The following TNKS variants were observed in gnomAD, a reference collection of about 807,000 sequenced individuals.
TNKS encodes tankyrase.
In TNKS, 72 loss-of-function variants were observed where a neutral mutation model predicts 135.8. The observed-to-expected ratio is 0.53, with a 90% CI of 0.44 to 0.64. The LOEUF is 0.64. TNKS is among the 30% of genes least tolerant of loss of function. The pLI is 0.00. For missense variants in TNKS, 1,769 were observed against 1,674.0 expected (o/e 1.06, Z -0.99); for synonymous variants, 849 against 649.3 (o/e 1.31, Z -4.68).
At chr8:9,594,420 T>C (rs1798697886) in intron 2 of TNKS, among the ~76,000 whole-genome samples, 1 of 152,238 alleles carries the variant, frequency 6.6e-6, no homozygotes, top group Admixed American at 6.5e-5. Context: ...TCAGTTGCAC[T>C]AGCCGTGTTT....
Position 9,556,016 on chromosome 8 carries a change from C to T in TNKS, c.77C>T (p.Ala26Val), listed in dbSNP as rs1207712386. Residue 26 changes from alanine to valine, a missense_variant, in exon 1 of 27, where the codon GCG (alanine) becomes GTG (valine). Physicochemically the swap from Ala to Val is moderately conservative, Grantham distance 64. Coordinates refer to ENST00000310430, the MANE Select transcript of TNKS (RefSeq NM_003747.3). ...QQLQPAPGASAPPPPPPPPLS... is the reference protein window; with the variant it reads ...QQLQPAPGASVPPPPPPPPLS... ...CTCCAGCCCGCCCCAGGGGCTTCAGCGCCGCCGCCGCCACCTCCTCCCCCA... is the reference window on the plus strand; with the variant it reads ...CTCCAGCCCGCCCCAGGGGCTTCAGTGCCGCCGCCGCCACCTCCTCCCCCA... 6.2e-7 allele frequency: 1 copy of T among 1,612,192 alleles called. No individual in the cohort carries two copies. The highest frequency in any genetic ancestry group is 8.5e-7 in the Non-Finnish European group (1 of 1,179,670).
At chr8:9,754,049 A>C (rs962770307) in intron 20 of TNKS, among the ~76,000 whole-genome samples, 13 of 151,984 alleles carry the variant, frequency 8.6e-5, no homozygotes, top group Non-Finnish European at 1.3e-4. Flanking sequence ...TGTCCTCTCT[A>C]TCTCTTCTAA....
At chr8:9,650,663 G>A (rs1801114614) in intron 3 of TNKS, among the ~76,000 whole-genome samples, 1 of 151,422 alleles carries the variant, frequency 6.6e-6, no homozygotes, top group Non-Finnish European at 1.5e-5. Context: ...GATGGGGTTG[G>A]TTTTTTTTCT....
intron 3 of TNKS, among the ~76,000 whole-genome samples, chr8:9,672,758 T>G: frequency 6.8e-6 from 1 of 146,354 alleles, no homozygotes; most frequent in Non-Finnish European, 1.5e-5. Context: ...AGCCCCTAGC[T>G]GCCATTAACA....
chr8:9,670,722 T>C (rs1802235815), intron 3 of TNKS: 1 of 152,190 alleles, frequency 6.6e-6, no homozygotes, highest in South Asian at 2.1e-4. Context: ...CCTCTTGCTT[T>C]TTAGAAAGCT....
intron 16 of TNKS, 143 bp downstream of exon 16, chr8:9,735,227 A>C (rs1007911383): frequency 1.9e-4 from 202 of 1,083,530 alleles, no homozygotes; most frequent in Admixed American, 1.0e-3. Context: ...ATAATTTCTT[A>C]TTGTGAAGTC....
chr8:9,680,700 G>C, intron 4 of TNKS, 25 bp from the exon 5 acceptor site: 4 of 1,525,178 alleles, frequency 2.6e-6, no homozygotes, highest in Non-Finnish European at 2.7e-6. Flanking sequence ...AATTTTAGAG[G>C]AATTGACTTA....
At chr8:9,558,497 A>G (rs944290472) in intron 1 of TNKS, 1 of 152,188 alleles carries the variant, frequency 6.6e-6, no homozygotes, top group African/African-American at 2.4e-5. Context: ...CTATTTTAAC[A>G]AATTGCGTCA....
chr8:9,602,844 C>T lies in TNKS; in HGVS notation c.899-12738C>T, dbSNP rs552488200. On this transcript the variant is annotated intron_variant, in intron 2 of 26. Coordinates refer to ENST00000310430, the MANE Select transcript of TNKS (RefSeq NM_003747.3). Reference sequence around the variant, plus strand: ...TCTAAAACAATAGTGAGATTTTTAACATTATTTCCAGCTAAATCTCTGCTA... The same window carrying T: ...TCTAAAACAATAGTGAGATTTTTAATATTATTTCCAGCTAAATCTCTGCTA... Among the ~76,000 whole-genome samples the T allele has an allele frequency of 7.2e-5, 11 of 152,228 alleles. No homozygotes were observed. In the East Asian group the frequency reaches 1.5e-3, roughly 21 times the overall value.
intron 5 of TNKS, among the ~76,000 whole-genome samples, chr8:9,682,736 C>T (rs1202481161): frequency 1.3e-5 from 2 of 151,958 alleles, no homozygotes; most frequent in East Asian, 1.9e-4. Context: ...AGAAAAACAT[C>T]TACCCTTTGC....
At chr8:9,710,245 G>C (rs1338658020) in intron 11 of TNKS, 25 bp downstream of exon 11, 1 of 1,610,694 alleles carries the variant, frequency 6.2e-7, no homozygotes, top group East Asian at 2.2e-5. Context: ...TGAGCAGAGT[G>C]CCAGACTCAG....
chr8:9,636,236 C>G (rs987003502), intron 3 of TNKS, among the ~76,000 whole-genome samples: 2 of 152,112 alleles, frequency 1.3e-5, no homozygotes, highest in African/African-American at 4.8e-5. Flanking sequence ...GCCCCTTGTA[C>G]TAATTTTGCA....
rs1554476739 is a variant in TNKS, at chr8:9,717,103, T to TATATATATATATATATATTTA, written c.1750-3271_1750-3270insATATATATATATATATATTTA. Among the ~76,000 whole-genome samples, 110 of 39,230 alleles carry TATATATATATATATATATTTA rather than the reference T, an allele frequency of 2.8e-3. 5 individuals carry two copies. Among genetic ancestry groups the TATATATATATATATATATTTA allele is most frequent in the South Asian group, 0.014 (17 of 1,186 alleles). 25.7% of individuals were successfully genotyped at this position (39,230 alleles called of 152,430 possible). A position where few individuals can be genotyped will look rare whatever the true frequency, so the allele number is the denominator to read the frequency against. On this transcript the variant is annotated intron_variant, in intron 11 of 26. Coordinates refer to ENST00000310430, the MANE Select transcript of TNKS (RefSeq NM_003747.3). ...TATATATATATATATATATATATAT[T>TATATATATATATATATATTTA]TTCAGGGAATTTGATTGTTTCTTTT...
chr8:9,765,940 T>C (rs1177533456), intron 24 of TNKS, 143 bp downstream of exon 24: 7 of 677,656 alleles, frequency 1.0e-5, no homozygotes, highest in Middle Eastern at 7.2e-4. Flanking sequence ...AATTACTTCT[T>C]GGTACCAGCT....
rs531387035 is a variant in TNKS at position 9,764,262 on chromosome 8, C to T, written c.3373-454C>T. Among the ~76,000 whole-genome samples the T allele has an allele frequency of 2.6e-5, 4 of 152,032 alleles. No individual in the cohort carries two copies. In the South Asian group the frequency reaches 8.3e-4, roughly 32 times the overall value. ...TACATTATAGTCAATGTCCCCTGGT[C>T]TGTGTAAATATACTTAGAGATCCCA... is the stretch of plus-strand genomic sequence containing the variant. On this transcript the variant is annotated intron_variant, in intron 22 of 26. Coordinates refer to ENST00000310430, the MANE Select transcript of TNKS (RefSeq NM_003747.3).
At chr8:9,689,496 A>T (rs909394736) in intron 5 of TNKS, among the ~76,000 whole-genome samples, 6 of 123,250 alleles carry the variant, frequency 4.9e-5, no homozygotes, top group Admixed American at 1.0e-4. Context: ...TTGATTTTAT[A>T]AAAAAAATGC....
At chr8:9,599,484 A>G (rs780255166) in intron 2 of TNKS, among the ~76,000 whole-genome samples, 10 of 152,232 alleles carry the variant, frequency 6.6e-5, no homozygotes, top group Admixed American at 1.3e-4. Context: ...CTAAGGATTG[A>G]GCAGTATTCT....
At chr8:9,732,974 T>C (rs1805518172) in intron 14 of TNKS, among the ~76,000 whole-genome samples, 1 of 152,220 alleles carries the variant, frequency 6.6e-6, no homozygotes, top group Non-Finnish European at 1.5e-5. Flanking sequence ...AATTGTATTA[T>C]ATTTTTTATA....
chr8:9,673,671 C>T (rs1264088495), intron 3 of TNKS, among the ~76,000 whole-genome samples: 1 of 151,966 alleles, frequency 6.6e-6, no homozygotes, highest in Non-Finnish European at 1.5e-5. Flanking sequence ...GTATTGAACT[C>T]CTGACCTCGT....
Sources: allele counts gnomAD v4.1 joint callset (sites outside exome capture counted in the v4.1 genomes callset), GRCh38; gene constraint gnomAD v4.1.1; transcripts MANE v1.5; gene names NCBI Gene and HGNC (gene_info 2026-07-23, HGNC 2026-07-21).